RHEB: variants seen among roughly 807,000 people sequenced by gnomAD.
RHEB encodes GTP-binding protein Rheb.
In RHEB, 2 loss-of-function variants were observed where a neutral mutation model predicts 28.8. The ratio of observed to expected loss-of-function variants is 0.07; its 90% CI spans 0.03 to 0.22. The LOEUF (loss-of-function observed/expected upper bound fraction) is 0.22. RHEB is among the 10% of genes least tolerant of loss of function. The pLI, the probability that RHEB is intolerant of heterozygous loss-of-function variation, is 1.00. For synonymous variants in RHEB, 69 were observed against 77.3 expected (o/e 0.89, Z 0.56); for missense variants, 76 against 219.9 (o/e 0.35, Z 4.14).
chr7:151,471,904 G>A (rs1490053208), intron 4 of RHEB: 1 of 337,176 alleles, frequency 3.0e-6, no homozygotes, highest in Non-Finnish European at 5.4e-6. Context: ...AACTCATTCA[G>A]CAAAGAACCA....
At chr7:151,479,722 T>C (rs1802348731) in intron 3 of RHEB, among the ~76,000 whole-genome samples, 1 of 150,158 alleles carries the variant, frequency 6.7e-6, no homozygotes, top group South Asian at 2.1e-4. Context: ...AATTCAACTA[T>C]GTGAAAAAGT....
chr7:151,502,280 A>G (rs1584863670), intron 1 of RHEB: 1 of 688,368 alleles, frequency 1.5e-6, no homozygotes, highest in South Asian at 1.7e-5. Context: ...CAATGGCACT[A>G]GCATGATATC....
At chr7:151,470,764 A>G (rs576175247) in intron 6 of RHEB, 112 bp from the exon 7 acceptor site, 189 of 684,478 alleles carry the variant, frequency 2.8e-4, no homozygotes, top group Admixed American at 4.3e-4. Flanking sequence ...CTCATGAAGC[A>G]GAACCATGCC....
At chr7:151,488,264 T>G (rs1802518929) in intron 2 of RHEB, among the ~76,000 whole-genome samples, 1 of 152,220 alleles carries the variant, frequency 6.6e-6, no homozygotes, top group African/African-American at 2.4e-5. Flanking sequence ...ATATGTGGTT[T>G]TATTAATATT....
At chr7:151,488,395 A>G (rs567989207) in intron 2 of RHEB, among the ~76,000 whole-genome samples, 1 of 152,376 alleles carries the variant, frequency 6.6e-6, no homozygotes, top group East Asian at 1.9e-4. Context: ...AATATTATAA[A>G]GTGTAAAATA....
intron 1 of RHEB, among the ~76,000 whole-genome samples, chr7:151,518,800 G>A (rs1010587189): frequency 6.6e-6 from 1 of 152,182 alleles, no homozygotes; most frequent in African/African-American, 2.4e-5. Context: ...CGAGAGATCA[G>A]ACATTCCTTT....
At position 151,479,492 on chromosome 7, in the gene RHEB, C is replaced by A. The variant is rs576758746; in HGVS notation, c.193-2077G>T. Among the ~76,000 whole-genome samples, 7 of 152,196 alleles carry A rather than the reference C, an allele frequency of 4.6e-5. No homozygotes were observed. In the East Asian group the frequency reaches 1.4e-3, roughly 29 times the overall value. ...GGTCAGGAGATTCATATCATCCTGG[C>A]TAACACAGTGAAACCCCGTCTCCAC... On this transcript the variant is annotated intron_variant, in intron 3 of 7. Transcript: ENST00000262187.
rs1802141349 is a variant in RHEB at position 151,470,385 on chromosome 7, C to G, written c.462+186G>C. Reference sequence around the variant, plus strand: ...CCTAGGTTCCACTGTAAGTAGAATACTGACTGAATTTATAAACACCTAAGT... The same window carrying G: ...CCTAGGTTCCACTGTAAGTAGAATAGTGACTGAATTTATAAACACCTAAGT... On this transcript the variant is annotated intron_variant, in intron 7 of 7. Coordinates refer to ENST00000262187, the MANE Select transcript of RHEB (RefSeq NM_005614.4). The G allele has an allele frequency of 6.6e-6, 3 of 451,684 alleles. 1 individual carries two copies. The South Asian group carries it at 1.3e-4, about 20-fold the overall frequency. The allele number at this position is 451,684 out of a possible 1,614,324, so 28.0% of individuals were successfully genotyped here. A position where few individuals can be genotyped will look rare whatever the true frequency, so the allele number is the denominator to read the frequency against.
At chr7:151,484,180 C>T (rs2150926144) in intron 3 of RHEB, among the ~76,000 whole-genome samples, 1 of 152,270 alleles carries the variant, frequency 6.6e-6, no homozygotes, top group East Asian at 1.9e-4. Context: ...AATTTCTGCC[C>T]TATGCCCCTC....
At chr7:151,497,945 T>C (rs1275566419) in intron 1 of RHEB, 1 of 379,252 alleles carries the variant, frequency 2.6e-6, no homozygotes, top group African/African-American at 2.1e-5. Context: ...CAACGGGGCA[T>C]ATTGATTAGG....
At chr7:151,493,507 C>T (rs900103315) in intron 1 of RHEB, among the ~76,000 whole-genome samples, 4 of 152,168 alleles carry the variant, frequency 2.6e-5, no homozygotes, top group Non-Finnish European at 4.4e-5. Context: ...CAGCACAGGG[C>T]CAGCCGACAC....
intron 1 of RHEB, among the ~76,000 whole-genome samples, chr7:151,504,457 G>A (rs995051336): frequency 6.6e-6 from 1 of 152,084 alleles, no homozygotes; most frequent in African/African-American, 2.4e-5. Context: ...ATGAAAAGTC[G>A]GCCCTCCATA....
intron 2 of RHEB, 131 bp downstream of exon 2, chr7:151,490,812 A>C (rs372421909): frequency 2.6e-6 from 2 of 757,804 alleles, no homozygotes; most frequent in African/African-American, 1.7e-5. Flanking sequence ...ATCTTTTGCA[A>C]GTTTTCTTTG....
chr7:151,481,300 T>C (rs908959420), intron 3 of RHEB, among the ~76,000 whole-genome samples: 8 of 152,224 alleles, frequency 5.3e-5, no homozygotes, highest in African/African-American at 1.7e-4. Flanking sequence ...TATTAAACCA[T>C]AGTGGTATGG....
chr7:151,488,399 T>C (rs1802521853), intron 2 of RHEB, among the ~76,000 whole-genome samples: 1 of 152,252 alleles, frequency 6.6e-6, no homozygotes, highest in Non-Finnish European at 1.5e-5. Context: ...TTATAAAGTG[T>C]AAAATAACTA....
At chr7:151,518,488 TG>T (rs759820374) in intron 1 of RHEB, among the ~76,000 whole-genome samples, 2 of 152,132 alleles carry the variant, frequency 1.3e-5, no homozygotes, top group Non-Finnish European at 2.9e-5. Flanking sequence ...CCCGAAAAGA[TG>T]AACTAATTTC....
At chr7:151,516,639 AAAAAAG>A (rs1803085579) in intron 1 of RHEB, among the ~76,000 whole-genome samples, 1 of 151,766 alleles carries the variant, frequency 6.6e-6, no homozygotes, top group Non-Finnish European at 1.5e-5. Flanking sequence ...AAAAAAAAAA[AAAAAAG>A]AAAGCCAACT....
intron 2 of RHEB, among the ~76,000 whole-genome samples, chr7:151,490,120 A>C (rs76434649): frequency 0.032 from 4,872 of 152,204 alleles, 225 homozygotes; most frequent in African/African-American, 0.11. Flanking sequence ...GCTTCAGATT[A>C]TCCTTGGCGA....
chr7:151,492,838 A>C (rs984123075), intron 1 of RHEB, among the ~76,000 whole-genome samples: 2 of 125,184 alleles, frequency 1.6e-5, no homozygotes, highest in African/African-American at 3.0e-5. Context: ...AATTCTCAAC[A>C]TTTTTTTTTT....
Sources: gnomAD v4.1 joint callset for allele counts (sites outside exome capture counted in the v4.1 genomes callset) on GRCh38, gnomAD v4.1.1 for gene constraint, MANE v1.5 for transcripts, NCBI Gene and HGNC (gene_info 2026-07-23, HGNC 2026-07-21) for gene names.